Variants in KIAA0825 observed in about 807,000 individuals in gnomAD.
KIAA0825 encodes the protein uncharacterized protein KIAA0825.
Under a neutral mutation model 147.6 loss-of-function variants are expected in KIAA0825, and 119 were observed. The ratio of observed to expected loss-of-function variants is 0.81; its 90% CI spans 0.69 to 0.94. The LOEUF (loss-of-function observed/expected upper bound fraction) is 0.94. KIAA0825 is among the 40% of genes least tolerant of loss of function. The pLI is 0.00. For missense variants in KIAA0825, 1,381 were observed against 1,472.7 expected (o/e 0.94, Z 1.02); for synonymous variants, 470 against 518.1 (o/e 0.91, Z 1.26).
intron 5 of KIAA0825, among the ~76,000 whole-genome samples, chr5:94,508,467 A>C (rs72771690): frequency 0.017 from 2,663 of 152,260 alleles, 84 homozygotes; most frequent in East Asian, 0.11. Context: ...TGACCCTGTT[A>C]ATGTCTATTC....
At chr5:94,361,087 ACATT>A (rs2150403453) in intron 20 of KIAA0825, among the ~76,000 whole-genome samples, 1 of 152,350 alleles carries the variant, frequency 6.6e-6, no homozygotes, top group South Asian at 2.1e-4. Flanking sequence ...TAGCAATGAG[ACATT>A]CAGCGTAGAA....
chr5:94,547,949 T>A (rs2151420546), intron 2 of KIAA0825, among the ~76,000 whole-genome samples: 1 of 150,642 alleles, frequency 6.6e-6, no homozygotes, highest in African/African-American at 2.4e-5. Context: ...GAGGAAAAAA[T>A]GAAGATTTTC....
In KIAA0825 at chr5:94,346,037, G is replaced by A. The variant is rs115399129; in HGVS notation, c.3710+38331C>T. 6.8e-3 allele frequency among the ~76,000 whole-genome samples: 1,040 copies of A among 152,290 alleles called. 3 individuals carry two copies. The highest frequency in any genetic ancestry group is 0.01 in the Admixed American group (160 of 15,292). On this transcript the variant is annotated intron_variant, in intron 20 of 20. Coordinates refer to ENST00000682413, the MANE Select transcript of KIAA0825 (RefSeq NM_001145678.3). ...AGATAACATAACTGATTAGTCAGGG[G>A]TCGATCTTTAAATACCAGGCCCAGG...
intron 2 of KIAA0825, among the ~76,000 whole-genome samples, chr5:94,571,277 A>G (rs1194977785): frequency 6.6e-6 from 1 of 152,230 alleles, no homozygotes; most frequent in Non-Finnish European, 1.5e-5. Flanking sequence ...AAGTGTTTCA[A>G]CTTCAACAGA....
chr5:94,486,459 G>A (rs953375128), intron 5 of KIAA0825, among the ~76,000 whole-genome samples: 3 of 152,050 alleles, frequency 2.0e-5, no homozygotes, highest in African/African-American at 7.2e-5. Context: ...GACCAAAAAT[G>A]TCATGATCTC....
At chr5:94,491,681 C>T (rs954223201) in intron 5 of KIAA0825, among the ~76,000 whole-genome samples, 4 of 152,132 alleles carry the variant, frequency 2.6e-5, no homozygotes, top group African/African-American at 9.7e-5. Flanking sequence ...ATAACTTTTA[C>T]TTATTTTGAG....
At chr5:94,514,394 T>C (rs1299045684) in intron 5 of KIAA0825, among the ~76,000 whole-genome samples, 1 of 152,180 alleles carries the variant, frequency 6.6e-6, no homozygotes, top group Non-Finnish European at 1.5e-5. Flanking sequence ...ATTTGTACTC[T>C]ATTACAGTTT....
At chr5:94,284,454 C>T (rs548917105) in intron 20 of KIAA0825, among the ~76,000 whole-genome samples, 8 of 152,250 alleles carry the variant, frequency 5.3e-5, no homozygotes, top group East Asian at 1.9e-4. Context: ...TACCACAGCA[C>T]GCTGGCTCAG....
intron 20 of KIAA0825, among the ~76,000 whole-genome samples, chr5:94,322,404 A>G (rs1047687355): frequency 1.3e-5 from 2 of 151,776 alleles, no homozygotes; most frequent in African/African-American, 4.8e-5. Context: ...AATCAAGGTT[A>G]CTCATACGTA....
chr5:94,357,206 T>A (rs1784385029), intron 20 of KIAA0825, among the ~76,000 whole-genome samples: 1 of 151,944 alleles, frequency 6.6e-6, no homozygotes, highest in Non-Finnish European at 1.5e-5. Context: ...TCCTTATGAA[T>A]GAAATCCTTC....
chr5:94,308,810 T>TA lies in KIAA0825; in HGVS notation c.3710+75557dup, dbSNP rs537891078. 1.4e-3 allele frequency among the ~76,000 whole-genome samples: 217 copies of TA among 151,796 alleles called. 1 individual carries two copies. The highest frequency in any genetic ancestry group is 2.8e-3 in the Admixed American group (43 of 15,186). On this transcript the variant is annotated intron_variant, in intron 20 of 20. Transcript: ENST00000682413. ...CCCCTTTTGGTGGCATGGGATTGAATAAAAAGTCCTTTCCATTCAGGCCGT... is the reference window on the plus strand; with the variant it reads ...CCCCTTTTGGTGGCATGGGATTGAATAAAAAAGTCCTTTCCATTCAGGCCGT...
intron 20 of KIAA0825, among the ~76,000 whole-genome samples, chr5:94,310,083 A>G (rs1224411986): frequency 6.6e-6 from 1 of 151,774 alleles, no homozygotes; most frequent in Non-Finnish European, 1.5e-5. Flanking sequence ...AAGTGCTATA[A>G]AAATTGTGAG....
At chr5:94,594,079 G>T in intron 1 of KIAA0825, 1 of 540,118 alleles carries the variant, frequency 1.9e-6, no homozygotes, top group Non-Finnish European at 3.8e-6. Context: ...AGGTATATTG[G>T]ATCCTCTTAT....
At chr5:94,593,674 T>A in intron 1 of KIAA0825, 1 of 409,558 alleles carries the variant, frequency 2.4e-6, no homozygotes, top group South Asian at 2.6e-5. Flanking sequence ...CAGAAATTCA[T>A]GTCTGATTAA....
At chr5:94,346,206 T>G (rs1330860938) in intron 20 of KIAA0825, among the ~76,000 whole-genome samples, 2 of 152,134 alleles carry the variant, frequency 1.3e-5, no homozygotes, top group Non-Finnish European at 2.9e-5. Context: ...AGAATATTCC[T>G]GAGTGGAAAC....
chr5:94,191,250 T>G (rs1583802581), intron 20 of KIAA0825, among the ~76,000 whole-genome samples: 2 of 152,282 alleles, frequency 1.3e-5, no homozygotes, highest in East Asian at 3.9e-4. Context: ...AACAAAAATA[T>G]TCCTGTGATT....
intron 20 of KIAA0825, among the ~76,000 whole-genome samples, chr5:94,355,728 C>T (rs1784169248): frequency 6.6e-6 from 1 of 152,094 alleles, no homozygotes; most frequent in South Asian, 2.1e-4. Flanking sequence ...CACTTAGTTG[C>T]ATTTAAGAGA....
chr5:94,480,624 A>T (rs540581591), intron 6 of KIAA0825, among the ~76,000 whole-genome samples: 30 of 152,140 alleles, frequency 2.0e-4, no homozygotes, highest in African/African-American at 7.2e-4. Context: ...ATTATCTTGT[A>T]TTTATCATTT....
chr5:94,586,744 G>A (rs759052244), intron 1 of KIAA0825, among the ~76,000 whole-genome samples: 1 of 152,146 alleles, frequency 6.6e-6, no homozygotes. Context: ...AACAAAAAAA[G>A]AGAATTTTAG....
Sources: gnomAD v4.1 joint callset for allele counts (sites outside exome capture counted in the v4.1 genomes callset) on GRCh38, gnomAD v4.1.1 for gene constraint, MANE v1.5 for transcripts, NCBI Gene and HGNC (gene_info 2026-07-23, HGNC 2026-07-21) for gene names.